SNX18: variants seen among roughly 807,000 people sequenced by gnomAD.
The protein encoded by SNX18 is sorting nexin-18.
Under a neutral mutation model 48.7 loss-of-function variants are expected in SNX18, and 35 were observed. The ratio of observed to expected loss-of-function variants is 0.72; its 90% CI spans 0.55 to 0.95. The LOEUF (loss-of-function observed/expected upper bound fraction) is 0.95, where lower values mean the gene tolerates loss of function less well. Among genes scored for constraint, SNX18 ranks in the 40% least tolerant of loss-of-function variants. The probability of loss-of-function intolerance (pLI) is 0.00; values close to 1 mark genes in which losing one functional copy is unlikely to be tolerated. For synonymous variants in SNX18, 492 were observed against 384.7 expected (o/e 1.28, Z -3.26); for missense variants, 824 against 871.0 (o/e 0.95, Z 0.68).
At chr5:54,598,498 A>T in the SNX18 span, among the ~76,000 whole-genome samples, 1 of 152,206 alleles carries the variant, frequency 6.6e-6, no homozygotes, top group Non-Finnish European at 1.5e-5. Flanking sequence ...ATACTGGCAA[A>T]CCGAATCCAG....
rs1256254995 is a variant in SNX18 at position 54,518,706 on chromosome 5, G to C, written c.754G>C (p.Val252Leu). 6.3e-6 allele frequency: 10 copies of C among 1,586,356 alleles called. No individual in the cohort carries two copies. Among genetic ancestry groups the C allele is most frequent in the Non-Finnish European group, 8.6e-6 (10 of 1,166,472 alleles). The part of the protein sequence containing the change: ...AFVLGEASGF[V>L]KDGDKLCVVL... Reference sequence around the variant, plus strand: ...CGTGCTGGGGGAGGCGTCAGGCTTCGTGAAGGACGGGGACAAGCTGTGCGT... The same window carrying C: ...CGTGCTGGGGGAGGCGTCAGGCTTCCTGAAGGACGGGGACAAGCTGTGCGT... Residue 252 changes from valine (V) to leucine (L), a missense_variant, in exon 1 of 2, where the codon GTG (valine) becomes CTG (leucine). Val to Leu is a conservative substitution (Grantham distance 32, BLOSUM62 1). Transcript: ENST00000381410.
chr5:54,552,623 G>A, the SNX18 span, among the ~76,000 whole-genome samples: 4 of 152,152 alleles, frequency 2.6e-5, no homozygotes, highest in African/African-American at 4.8e-5. Context: ...TGATGCCATC[G>A]GCACGGTGGA....
the SNX18 span, among the ~76,000 whole-genome samples, chr5:54,561,288 G>A: frequency 0.012 from 1,815 of 151,864 alleles, 18 homozygotes; most frequent in Admixed American, 0.02. Context: ...TGATCCACCC[G>A]CCTCAGCCTC....
chr5:54,566,025 G>A, the SNX18 span, among the ~76,000 whole-genome samples: 22 of 152,112 alleles, frequency 1.4e-4, no homozygotes, highest in Admixed American at 1.3e-3. Context: ...TTCTCAACCC[G>A]CATCAATCAG....
chr5:54,633,016 G>T, the SNX18 span, among the ~76,000 whole-genome samples: 1 of 151,946 alleles, frequency 6.6e-6, no homozygotes, highest in Non-Finnish European at 1.5e-5. Context: ...CTCGTGATCT[G>T]CCCGCCTTGG....
the SNX18 span, among the ~76,000 whole-genome samples, chr5:54,562,981 TA>T: frequency 6.6e-6 from 1 of 152,024 alleles, no homozygotes; most frequent in Non-Finnish European, 1.5e-5. Context: ...TAAAACAGTT[TA>T]AAAAGTAAAT....
At chr5:54,579,544 CAG>C in the SNX18 span, among the ~76,000 whole-genome samples, 1 of 152,200 alleles carries the variant, frequency 6.6e-6, no homozygotes, top group African/African-American at 2.4e-5. Flanking sequence ...CATCTATTTA[CAG>C]AGTCACTGGT....
the SNX18 span, among the ~76,000 whole-genome samples, chr5:54,556,682 G>T: frequency 6.6e-6 from 1 of 151,958 alleles, no homozygotes; most frequent in Non-Finnish European, 1.5e-5. Flanking sequence ...GGAGGGGGTT[G>T]GTATGCAGCT....
rs186960704 is a variant in SNX18, at chr5:54,545,736, G to A, written c.*2304G>A. 14 of 152,104 alleles carry A rather than the reference G, an allele frequency of 9.2e-5. No individual in the cohort carries two copies. The highest frequency in any genetic ancestry group is 3.4e-4 in the African/African-American group (14 of 41,496). 9.4% of individuals were successfully genotyped at this position (152,104 alleles called of 1,614,324 possible). On this transcript the variant is annotated 3_prime_UTR_variant, in exon 2 of 2. Transcript: ENST00000381410. ...AGATCTTTATTCTCTAACGTTCTTG[G>A]TCCTATTGAAACATTGCAGTATGCA...
the SNX18 span, among the ~76,000 whole-genome samples, chr5:54,598,136 G>T: frequency 2.3e-3 from 356 of 152,256 alleles, 1 homozygote; most frequent in African/African-American, 6.8e-3. Flanking sequence ...TAGAAGAAAT[G>T]GATAAATTCC....
the SNX18 span, among the ~76,000 whole-genome samples, chr5:54,557,086 T>C: frequency 8.6e-4 from 131 of 152,334 alleles, 1 homozygote; most frequent in African/African-American, 3.1e-3. Context: ...CAGCACAGAA[T>C]CAATGGCAAG....
the SNX18 span, among the ~76,000 whole-genome samples, chr5:54,618,245 G>GT: frequency 6.6e-6 from 1 of 152,202 alleles, no homozygotes; most frequent in African/African-American, 2.4e-5. Context: ...TGCTATGATT[G>GT]TAAGTTTCTT....
At chr5:54,608,140 T>G in the SNX18 span, among the ~76,000 whole-genome samples, 3 of 152,334 alleles carry the variant, frequency 2.0e-5, no homozygotes, top group African/African-American at 7.2e-5. Flanking sequence ...CTATCAGCAA[T>G]GTTTGAGGGA....
the SNX18 span, among the ~76,000 whole-genome samples, chr5:54,566,332 A>C: frequency 3.1e-4 from 47 of 152,322 alleles, no homozygotes; most frequent in African/African-American, 1.1e-3. Flanking sequence ...CTCAACAAGA[A>C]AGGTAGGTTA....
At chr5:54,614,066 C>T in the SNX18 span, among the ~76,000 whole-genome samples, 2 of 152,224 alleles carry the variant, frequency 1.3e-5, no homozygotes, top group Admixed American at 1.3e-4. Flanking sequence ...TAATTTTGAG[C>T]ATGTTCTTCA....
chr5:54,613,374 G>A, the SNX18 span, among the ~76,000 whole-genome samples: 1 of 152,054 alleles, frequency 6.6e-6, no homozygotes, highest in African/African-American at 2.4e-5. Context: ...GAAGGCAGAA[G>A]GTCAAGAGAT....
At chr5:54,582,835 A>G in the SNX18 span, among the ~76,000 whole-genome samples, 1 of 152,200 alleles carries the variant, frequency 6.6e-6, no homozygotes, top group African/African-American at 2.4e-5. Flanking sequence ...ATAACTTACC[A>G]TCATTGACTT....
chr5:54,591,793 G>A, the SNX18 span, among the ~76,000 whole-genome samples: 6 of 152,196 alleles, frequency 3.9e-5, no homozygotes, highest in Admixed American at 6.5e-5. Flanking sequence ...TTAGACAGAG[G>A]TGCCACAAGA....
the SNX18 span, among the ~76,000 whole-genome samples, chr5:54,592,893 C>A: frequency 6.6e-6 from 1 of 152,170 alleles, no homozygotes. Flanking sequence ...CTCCACCTCC[C>A]AGGTTCAAGC....
Sources: gnomAD v4.1 joint callset for allele counts (sites outside exome capture counted in the v4.1 genomes callset) on GRCh38, gnomAD v4.1.1 for gene constraint, MANE v1.5 for transcripts, NCBI Gene and HGNC (gene_info 2026-07-23, HGNC 2026-07-21) for gene names.